Variants in INTS2 observed in about 807,000 individuals in gnomAD.
The protein encoded by INTS2 is KIAA1287.
INTS2 carries 57 observed loss-of-function variants against 139.6 expected under a neutral mutation model. The ratio of observed to expected loss-of-function variants is 0.41; its 90% CI spans 0.33 to 0.51. The LOEUF (loss-of-function observed/expected upper bound fraction) is 0.51. Among genes scored for constraint, INTS2 ranks in the 20% least tolerant of loss-of-function variants. INTS2 has a pLI of 0.28. For synonymous variants in INTS2, 473 were observed against 493.4 expected (o/e 0.96, Z 0.55); for missense variants, 1,196 against 1,436.7 (o/e 0.83, Z 2.71).
chr17:61,891,406 A>T, intron 14 of INTS2, 107 bp downstream of exon 14: 1 of 829,082 alleles, frequency 1.2e-6, no homozygotes, highest in Non-Finnish European at 1.9e-6. Flanking sequence ...CTAATTTTAA[A>T]TTCAGAACTA....
In INTS2 at chr17:61,910,216, T is replaced by C. The variant is rs924794323; in HGVS notation, c.954+1304A>G. On this transcript the variant is annotated intron_variant, in intron 7 of 24. Coordinates refer to ENST00000251334, the MANE Select transcript of INTS2 (RefSeq NM_001351695.2). ...AAATTCATACAGACAGAAAGTTGAA[T>C]AGAGGTTACCAGAGGATGGGATGAT... is the stretch of plus-strand genomic sequence containing the variant. 8 of 152,150 alleles carry C rather than the reference T, an allele frequency of 5.3e-5. No individual in the cohort carries two copies. In the East Asian group the frequency reaches 5.8e-4, roughly 11 times the overall value. The allele number at this position is 152,150 out of a possible 1,614,324, so 9.4% of individuals were successfully genotyped here.
At chr17:61,890,370 G>C (rs2079277631) in intron 14 of INTS2, among the ~76,000 whole-genome samples, 1 of 152,028 alleles carries the variant, frequency 6.6e-6, no homozygotes, top group Non-Finnish European at 1.5e-5. Context: ...CAGCACTTTG[G>C]GAGGCTGAGG....
intron 3 of INTS2, among the ~76,000 whole-genome samples, chr17:61,922,116 T>G (rs1245417295): frequency 6.6e-6 from 1 of 152,082 alleles, no homozygotes; most frequent in Non-Finnish European, 1.5e-5. Flanking sequence ...GAACTACAAA[T>G]GCAGCCTACA....
chr17:61,922,856 T>C (rs1332630635), intron 3 of INTS2, among the ~76,000 whole-genome samples: 4 of 151,850 alleles, frequency 2.6e-5, no homozygotes, highest in Non-Finnish European at 5.9e-5. Flanking sequence ...GGTGGGAGGA[T>C]CACCTGAGGT....
At chr17:61,925,816 G>A (rs1032217071) in intron 2 of INTS2, among the ~76,000 whole-genome samples, 2 of 151,960 alleles carry the variant, frequency 1.3e-5, no homozygotes, top group Admixed American at 1.3e-4. Context: ...CCTGAGGCCA[G>A]GAGTTGGAGA....
At chr17:61,894,251 A>G (rs1356527784) in intron 12 of INTS2, 1 of 158,230 alleles carries the variant, frequency 6.3e-6, no homozygotes, top group Non-Finnish European at 1.4e-5. Flanking sequence ...ACACTGCCAT[A>G]CCTGCCTCAA....
At chr17:61,880,912 C>T (rs2079172346) in intron 17 of INTS2, 95 bp downstream of exon 17, 9 of 980,596 alleles carry the variant, frequency 9.2e-6, no homozygotes, top group Non-Finnish European at 1.4e-5. Flanking sequence ...TTGTTATATC[C>T]ATGGGAAAAT....
chr17:61,901,880 G>T (rs1055680851), intron 9 of INTS2, among the ~76,000 whole-genome samples: 2 of 152,114 alleles, frequency 1.3e-5, no homozygotes, highest in African/African-American at 4.8e-5. Flanking sequence ...TTACAGGCGT[G>T]AGCCAGTGTG....
chr17:61,910,253 G>C (rs2079512675), intron 7 of INTS2: 1 of 152,234 alleles, frequency 6.6e-6, no homozygotes, highest in African/African-American at 2.4e-5. Flanking sequence ...GGGGGAATGG[G>C]GAGTTATTTA....
At position 61,893,725 on chromosome 17, in the gene INTS2, A is replaced by C. The variant is rs1463990519; in HGVS notation, c.1698+40T>G. 8 of 1,400,746 alleles carry C rather than the reference A, an allele frequency of 5.7e-6. No homozygotes were observed. Among genetic ancestry groups the C allele is most frequent in the East Asian group, 5.3e-5 (2 of 38,018 alleles). 86.8% of individuals were successfully genotyped at this position (1,400,746 alleles called of 1,614,324 possible). On this transcript the variant is annotated intron_variant, in intron 13 of 24. Transcript: ENST00000251334. The surrounding 1 kb of genome is among the most constrained non-coding windows in gnomAD (Gnocchi z 5.4). ...AAAAAAAATATATATATAAAAATGT[A>C]GGGGCATGCTTTTATTTTGTTTTAT...
Position 61,911,542 on chromosome 17 carries a change from G to T in INTS2, c.932C>A (p.Thr311Asn). The T allele has an allele frequency of 6.2e-7, 1 of 1,613,876 alleles. No individual in the cohort carries two copies. The highest frequency in any genetic ancestry group is 8.5e-7 in the Non-Finnish European group (1 of 1,179,848). The change falls in exon 7 of 25, where the codon ACT (threonine) becomes AAT (asparagine). Residue 311 changes from threonine to asparagine, a missense_variant. This residue lies in a region of INTS2 where 1,129 missense variants were observed against 1,341.9 expected (regional missense o/e 0.84). Transcript: ENST00000251334. ...CACCTGCTGTCCATTTCGGATAAAA[G>T]TTCCAAACCAAGTCCGGACTTTCGC... ...TNAKVRTWFG[T>N]FIRNGQQRKR...
chr17:61,917,608 T>C (rs910924718), intron 5 of INTS2, among the ~76,000 whole-genome samples: 2 of 151,984 alleles, frequency 1.3e-5, no homozygotes, highest in African/African-American at 4.8e-5. Flanking sequence ...ATGGGAACAA[T>C]GGACACTGGG....
At position 61,869,110 on chromosome 17, in the gene INTS2, C is replaced by T; in HGVS notation, c.3168G>A (p.Leu1056=). 1 of 1,611,642 alleles carries T rather than the reference C, an allele frequency of 6.2e-7. No individual in the cohort carries two copies. Among genetic ancestry groups the T allele is most frequent in the Non-Finnish European group, 8.5e-7 (1 of 1,178,130 alleles). The change falls in exon 23 of 25, where the codon TTG becomes TTA. Residue 1056 remains leucine (L), a synonymous_variant. Coordinates refer to ENST00000251334, the MANE Select transcript of INTS2 (RefSeq NM_001351695.2). This position sits in a 1 kb window ranked among gnomAD's most constrained non-coding sequence, Gnocchi z 5.4. ...QIFAIQLLSH[L]CIQYALPKSL... Reference sequence around the variant, plus strand: ...ACTTTGGTAATGCATATTGTATACACAAGTGAGAAAGCAACTGGATAGCAA... The same window carrying T: ...ACTTTGGTAATGCATATTGTATACATAAGTGAGAAAGCAACTGGATAGCAA...
chr17:61,902,021 TGGA>T (rs2143047503), intron 9 of INTS2, among the ~76,000 whole-genome samples: 1 of 152,310 alleles, frequency 6.6e-6, no homozygotes, highest in Non-Finnish European at 1.5e-5. Context: ...AATTCTAAGT[TGGA>T]AATAATTTCC....
chr17:61,869,006 T>G lies in INTS2; in HGVS notation c.3244+28A>C. ...AGGAACTATAATAATTTATGTCAGA[T>G]GTTTGTTGATGTTGATTGGCTACAT... On this transcript the variant is annotated intron_variant, in intron 23 of 24. Transcript: ENST00000251334. This position sits in a 1 kb window ranked among gnomAD's most constrained non-coding sequence, Gnocchi z 5.4. The G allele has an allele frequency of 8.3e-7, 1 of 1,207,788 alleles. No homozygotes were observed. Among genetic ancestry groups the G allele is most frequent in the African/African-American group, 1.5e-5 (1 of 66,128 alleles). 74.8% of individuals were successfully genotyped at this position (1,207,788 alleles called of 1,614,324 possible). A position where few individuals can be genotyped will look rare whatever the true frequency, so the allele number is the denominator to read the frequency against.
chr17:61,887,827 T>G (rs2079245029), intron 15 of INTS2, among the ~76,000 whole-genome samples: 1 of 151,104 alleles, frequency 6.6e-6, no homozygotes, highest in South Asian at 2.1e-4. Flanking sequence ...CTGAGGTGTG[T>G]GGATCACTTG....
At chr17:61,911,287 A>G (rs2079523986) in intron 7 of INTS2, 1 of 450,142 alleles carries the variant, frequency 2.2e-6, no homozygotes, top group Admixed American at 3.9e-5. Flanking sequence ...CTAAATAAAT[A>G]TTTCAAATAT....
chr17:61,914,626 A>C (rs1226537867), intron 5 of INTS2, among the ~76,000 whole-genome samples: 5 of 150,742 alleles, frequency 3.3e-5, no homozygotes, highest in South Asian at 4.2e-4. Context: ...TGGCGTGAAC[A>C]CAGGAGGCGG....
In INTS2 at chr17:61,884,935, A is replaced by C; in HGVS notation, c.2055T>G (p.Ile685Met). The change falls in exon 16 of 25, where the codon ATT (isoleucine) becomes ATG (methionine). Residue 685 changes from isoleucine to methionine, a missense_variant. Transcript: ENST00000251334. ...CCTGCTGCAGCCCTTGAGCCTGTCG[A>C]ATAAGGAATTTGATAGGAATCTGAT... ...LMDQIPIKFL[I>M]RQAQGLQQEL... The C allele has an allele frequency of 1.2e-6, 2 of 1,609,092 alleles. No homozygotes were observed. The highest frequency in any genetic ancestry group is 1.7e-6 in the Non-Finnish European group (2 of 1,177,542).
Sources: allele counts gnomAD v4.1 joint callset (sites outside exome capture counted in the v4.1 genomes callset), GRCh38; gene constraint gnomAD v4.1.1; regional missense constraint gnomAD v4.1.1; non-coding constraint Gnocchi (gnomAD v3.1); transcripts MANE v1.5; gene names NCBI Gene and HGNC (gene_info 2026-07-23, HGNC 2026-07-21).